Variants in NFATC1 observed in about 807,000 individuals in gnomAD.
The protein encoded by NFATC1 is nuclear factor of activated T-cells, cytoplasmic 1.
In NFATC1, 22 loss-of-function variants were observed where a neutral mutation model predicts 76.0. The observed-to-expected ratio is 0.29, with a 90% CI of 0.21 to 0.41. The LOEUF is 0.41. Ranked by LOEUF, NFATC1 falls within the 10% of genes least tolerant of loss-of-function variation. NFATC1 has a pLI of 1.00. For synonymous variants in NFATC1, 704 were observed against 613.1 expected, an observed-to-expected ratio of 1.15 and a Z score of -2.19; for missense variants, 1,357 against 1,337.7, an observed-to-expected ratio of 1.01 and a Z score of -0.23.
At chr18:79,480,316 C>T (rs1037244894) in intron 8 of NFATC1, among the ~76,000 whole-genome samples, 6 of 152,080 alleles carry the variant, frequency 3.9e-5, no homozygotes, top group African/African-American at 7.2e-5. Flanking sequence ...AGAGAGGGAG[C>T]GCCTGCCTGT....
At chr18:79,400,407 G>T (rs747343711) in intron 1 of NFATC1, 2 of 1,494,088 alleles carry the variant, frequency 1.3e-6, no homozygotes, top group Non-Finnish European at 1.8e-6. Context: ...GGGGCTGGAG[G>T]ACCAGGAGTT....
In NFATC1 at chr18:79,486,535, G is replaced by A. The variant is rs752355299; in HGVS notation, c.2380G>A (p.Ala794Thr). The change falls in exon 9 of 10, where the codon GCC becomes ACC. Residue 794 changes from alanine to threonine, a missense_variant. This residue lies in a region of NFATC1 where 424 missense variants were observed against 395.4 expected (regional missense o/e 1.07). Transcript: ENST00000427363. ...GHCHLGLPQP[A>T]GEAPAVQDVP... is the part of the protein sequence containing the mutation. ...CTGTCACCTCGGACTCCCGCAGCCGGCCGGAGAGGCCCCCGCCGTCCAGGA... is the reference window on the plus strand; with the variant it reads ...CTGTCACCTCGGACTCCCGCAGCCGACCGGAGAGGCCCCCGCCGTCCAGGA... 7 of 1,597,404 alleles carry A rather than the reference G, an allele frequency of 4.4e-6. No homozygotes were observed. The South Asian group carries it at 6.6e-5, about 15-fold the overall frequency.
intron 9 of NFATC1, among the ~76,000 whole-genome samples, chr18:79,489,342 G>A (rs2089610777): frequency 6.6e-6 from 1 of 152,198 alleles, no homozygotes; most frequent in Non-Finnish European, 1.5e-5. Context: ...AAGGGCTGAG[G>A]CCAGAGTGCA....
chr18:79,398,865 G>A (rs1316067909), intron 1 of NFATC1, among the ~76,000 whole-genome samples: 7 of 152,220 alleles, frequency 4.6e-5, no homozygotes, highest in African/African-American at 1.4e-4. Context: ...TCAAGAGATC[G>A]AGACCATCCT....
chr18:79,428,877 ATG>A (rs1019580911), intron 2 of NFATC1, among the ~76,000 whole-genome samples: 1 of 151,982 alleles, frequency 6.6e-6, no homozygotes, highest in African/African-American at 2.4e-5. Context: ...GTACCAAATT[ATG>A]TGTCTCATTT....
rs761017145 is a variant in NFATC1 at position 79,410,727 on chromosome 18, C to G, written c.452C>G (p.Ser151Cys). 2.5e-6 allele frequency: 4 copies of G among 1,613,064 alleles called. No individual in the cohort carries two copies. The highest frequency in any genetic ancestry group is 3.4e-6 in the Non-Finnish European group (4 of 1,180,004). The change falls in exon 2 of 10, where the codon TCC (serine) becomes TGC (cysteine). Residue 151 changes from serine (S) to cysteine (C), a missense_variant. Physicochemically the swap from Ser to Cys is moderately radical, Grantham distance 112 (BLOSUM62 -1). Coordinates refer to ENST00000427363, the MANE Select transcript of NFATC1 (RefSeq NM_001278669.2). This position sits in a 1 kb window ranked among gnomAD's most constrained non-coding sequence, Gnocchi z 6.7. ...GACGTCCTCCCTAGCTCCAAACGGT[C>G]CCCCTCCACGGCCACGCTGAGTCTG... is the stretch of plus-strand genomic sequence containing the variant. Reference protein sequence around the residue: ...VEDVLPSSKRSPSTATLSLPS... With the variant: ...VEDVLPSSKRCPSTATLSLPS...
chr18:79,442,978 G>T (rs1395254310), intron 3 of NFATC1, among the ~76,000 whole-genome samples: 1 of 152,226 alleles, frequency 6.6e-6, no homozygotes, highest in Non-Finnish European at 1.5e-5. Flanking sequence ...CAGTCCTGCA[G>T]CTCCGCCTGC....
chr18:79,495,372 G>A lies in NFATC1; in HGVS notation c.2782+8435G>A, dbSNP rs1419421778. Among the ~76,000 whole-genome samples the A allele has an allele frequency of 2.6e-5, 4 of 152,266 alleles. No homozygotes were observed. The East Asian group carries it at 5.8e-4, about 22-fold the overall frequency. On this transcript the variant is annotated intron_variant, in intron 9 of 9. Transcript: ENST00000427363. ...TATTTTGAATTCTATGCTGTTTCTA[G>A]TTGAAATATCAGTCTACAGTCCAAT...
intron 2 of NFATC1, among the ~76,000 whole-genome samples, chr18:79,415,417 G>T (rs1406800814): frequency 1.3e-5 from 2 of 151,874 alleles, no homozygotes. Context: ...CAAGTAGCTG[G>T]GCCTACAGGC....
At chr18:79,425,539 CG>C (rs2086297301) in intron 2 of NFATC1, among the ~76,000 whole-genome samples, 1 of 152,224 alleles carries the variant, frequency 6.6e-6, no homozygotes, top group Admixed American at 6.5e-5. Flanking sequence ...TGAGCACGTG[CG>C]GGCTTTAACC....
At position 79,411,333 on chromosome 18, in the gene NFATC1, T is replaced by G. The variant is rs374020270; in HGVS notation, c.1058T>G (p.Val353Gly). Residue 353 changes from valine to glycine, a missense_variant, in exon 2 of 10, where the codon GTC (valine) becomes GGC (glycine). By Grantham distance (109) the Val-to-Gly change is moderately radical. Coordinates refer to ENST00000427363, the MANE Select transcript of NFATC1 (RefSeq NM_001278669.2). ...PPSVALKVEP[V>G]GEDLGSPPPP... is the part of the protein sequence containing the mutation. ...TCAGTGGCGCTCAAGGTGGAGCCCG[T>G]CGGGGAGGACCTGGGCAGCCCCCCG... 1.6e-5 allele frequency: 26 copies of G among 1,599,398 alleles called. No individual in the cohort carries two copies. The highest frequency in any genetic ancestry group is 2.1e-5 in the Non-Finnish European group (25 of 1,174,706).
At chr18:79,406,895 C>T (rs2085461014) in intron 1 of NFATC1, among the ~76,000 whole-genome samples, 1 of 152,234 alleles carries the variant, frequency 6.6e-6, no homozygotes, top group Admixed American at 6.5e-5. Context: ...GCGGGGCAGA[C>T]GTCAGGGCTG....
At chr18:79,488,378 GTC>G (rs753892743) in intron 9 of NFATC1, among the ~76,000 whole-genome samples, 54 of 151,532 alleles carry the variant, frequency 3.6e-4, no homozygotes, top group Non-Finnish European at 6.0e-4. Context: ...AGCCCTCATC[GTC>G]TGTTTTTGCA....
intron 2 of NFATC1, among the ~76,000 whole-genome samples, chr18:79,428,640 AGATT>A (rs1329320965): frequency 5.3e-5 from 8 of 152,238 alleles, no homozygotes; most frequent in East Asian, 3.8e-4. Context: ...TGCTGTGATT[AGATT>A]GTTTCTGAAT....
chr18:79,506,341 CTGGGACTG>C (rs1016639688), intron 9 of NFATC1, among the ~76,000 whole-genome samples: 2 of 152,178 alleles, frequency 1.3e-5, no homozygotes, highest in African/African-American at 4.8e-5. Context: ...AGCAAAGACA[CTGGGACTG>C]TGCGCCTTGT....
At chr18:79,453,263 A>G (rs892592525) in intron 6 of NFATC1, among the ~76,000 whole-genome samples, 1 of 152,252 alleles carries the variant, frequency 6.6e-6, no homozygotes, top group African/African-American at 2.4e-5. Context: ...TTCAAAGCCC[A>G]GACCTGAGCA....
chr18:79,405,891 G>A (rs1394804334), intron 1 of NFATC1, among the ~76,000 whole-genome samples: 2 of 152,150 alleles, frequency 1.3e-5, no homozygotes, highest in African/African-American at 4.8e-5. Context: ...TCCTGCTCTC[G>A]CTGTGGGCGG....
At chr18:79,477,831 G>A (rs1053323792) in intron 8 of NFATC1, among the ~76,000 whole-genome samples, 1 of 152,170 alleles carries the variant, frequency 6.6e-6, no homozygotes, top group Non-Finnish European at 1.5e-5. Context: ...CCAAAATCCT[G>A]CCATATCCTC....
chr18:79,461,039 A>G (rs1215257715), intron 6 of NFATC1, among the ~76,000 whole-genome samples: 1 of 152,160 alleles, frequency 6.6e-6, no homozygotes, highest in East Asian at 1.9e-4. Flanking sequence ...AGTCCCTCCT[A>G]CGCCGGGCTG....
Sources: gnomAD v4.1 joint callset for allele counts (sites outside exome capture counted in the v4.1 genomes callset) on GRCh38, gnomAD v4.1.1 for gene constraint, gnomAD v4.1.1 regional missense constraint, Gnocchi (gnomAD v3.1) non-coding constraint, MANE v1.5 for transcripts, NCBI Gene and HGNC (gene_info 2026-07-23, HGNC 2026-07-21) for gene names.